ADAMTSL1: variants seen among roughly 807,000 people sequenced by gnomAD.
The protein encoded by ADAMTSL1 is ADAMTS like 1, also known as ADAMTS-like protein 1.
ADAMTSL1 carries 126 observed loss-of-function variants against 201.8 expected under a neutral mutation model. The observed-to-expected ratio is 0.62, with a 90% confidence interval of 0.54 to 0.72. The LOEUF (loss-of-function observed/expected upper bound fraction) is 0.72. Ranked by LOEUF, ADAMTSL1 falls within the 30% of genes least tolerant of loss-of-function variation. ADAMTSL1 has a pLI of 0.00. For missense variants in ADAMTSL1, 2,679 were observed against 2,277.8 expected (o/e 1.18, Z -3.59); for synonymous variants, 1,121 against 903.4 (o/e 1.24, Z -4.32).
At chr9:18,813,526 T>C (rs1823643923) in intron 20 of ADAMTSL1, among the ~76,000 whole-genome samples, 1 of 152,216 alleles carries the variant, frequency 6.6e-6, no homozygotes, top group Admixed American at 6.5e-5. Flanking sequence ...CTTTTCAGTG[T>C]AGACATATTT....
chr9:18,374,334 A>T (rs1326710479), intron 2 of ADAMTSL1, among the ~76,000 whole-genome samples: 3 of 151,040 alleles, frequency 2.0e-5, no homozygotes, highest in Admixed American at 6.6e-5. Context: ...AATTTTTTTT[A>T]ATTTTTTTTT....
intron 2 of ADAMTSL1, among the ~76,000 whole-genome samples, chr9:18,186,422 G>T (rs1828736422): frequency 1.3e-5 from 2 of 152,084 alleles, no homozygotes; most frequent in African/African-American, 4.8e-5. Flanking sequence ...GTAAATGCTG[G>T]CAATGTCCTT....
At chr9:18,843,734 C>A (rs1415701914) in intron 23 of ADAMTSL1, among the ~76,000 whole-genome samples, 1 of 150,854 alleles carries the variant, frequency 6.6e-6, no homozygotes, top group Non-Finnish European at 1.5e-5. Flanking sequence ...TTGTTCATTT[C>A]TTTTTATTCT....
At chr9:18,557,163 T>C (rs532133873) in intron 3 of ADAMTSL1, among the ~76,000 whole-genome samples, 2 of 152,136 alleles carry the variant, frequency 1.3e-5, no homozygotes, top group African/African-American at 4.8e-5. Flanking sequence ...GTCTGAGAAC[T>C]CCTTGCTTTC....
chr9:18,510,872 C>T (rs1487596745), intron 2 of ADAMTSL1, among the ~76,000 whole-genome samples: 2 of 152,058 alleles, frequency 1.3e-5, no homozygotes, highest in Non-Finnish European at 2.9e-5. Context: ...TCCAGTTCTT[C>T]ACCCCCCTAC....
chr9:18,535,008 G>C (rs554081046), intron 3 of ADAMTSL1, among the ~76,000 whole-genome samples: 1 of 152,190 alleles, frequency 6.6e-6, no homozygotes, highest in Non-Finnish European at 1.5e-5. Context: ...TTTCCCCATC[G>C]TCTTGGTGAT....
chr9:18,887,876 A>G lies in ADAMTSL1; in HGVS notation c.4295A>G (p.His1432Arg). The part of the protein sequence containing the change: ...GHPVPNITWF[H>R]GGQPIVTATG... ...CCTGTCCCTAATATCACCTGGTTTC[A>G]TGGTGGTCAGCCAATTGTCACTGCC... Residue 1432 changes from histidine to arginine, a missense_variant, in exon 24 of 29, where the codon CAT (histidine) becomes CGT (arginine). His to Arg is a conservative substitution (Grantham distance 29, BLOSUM62 0). Coordinates refer to ENST00000380548, the MANE Select transcript of ADAMTSL1 (RefSeq NM_001040272.6). 1 of 1,613,886 alleles carries G rather than the reference A, an allele frequency of 6.2e-7. No individual in the cohort carries two copies. Among genetic ancestry groups the G allele is most frequent in the Non-Finnish European group, 8.5e-7 (1 of 1,179,862 alleles).
chr9:18,690,514 T>C (rs1296967266), intron 13 of ADAMTSL1, among the ~76,000 whole-genome samples: 2 of 152,204 alleles, frequency 1.3e-5, no homozygotes, highest in Non-Finnish European at 2.9e-5. Context: ...AAAGTAACAA[T>C]GAATATCTTG....
intron 2 of ADAMTSL1, among the ~76,000 whole-genome samples, chr9:18,359,818 T>TGCCCCCCCCCCCCC (rs1836426063): frequency 2.3e-5 from 1 of 42,628 alleles, no homozygotes; most frequent in Non-Finnish European, 4.4e-5. Context: ...ATGCCCCACC[T>TGCCCCCCCCCCCCC]CCCCACCCGC....
In ADAMTSL1 at chr9:18,753,630, C is replaced by T. The variant is rs1292905397; in HGVS notation, c.2217+122C>T. The stretch of plus-strand genomic sequence containing the variant: ...AGGGATGTTCAAGATCTGCTCATTT[C>T]TCCCTTCTTAGTACTCCCCTAACCT... On this transcript the variant is annotated intron_variant, in intron 16 of 28. Coordinates refer to ENST00000380548, the MANE Select transcript of ADAMTSL1 (RefSeq NM_001040272.6). 3.6e-6 allele frequency: 4 copies of T among 1,113,028 alleles called. No homozygotes were observed. In the East Asian group the frequency reaches 7.7e-5, roughly 21 times the overall value. 68.9% of individuals were successfully genotyped at this position (1,113,028 alleles called of 1,614,324 possible). A position where few individuals can be genotyped will look rare whatever the true frequency, so the allele number is the denominator to read the frequency against.
intron 1 of ADAMTSL1, among the ~76,000 whole-genome samples, chr9:18,027,774 AT>A (rs1820765263): frequency 6.6e-6 from 1 of 151,982 alleles, no homozygotes; most frequent in South Asian, 2.1e-4. Context: ...TTCATTATTA[AT>A]TTGTTTTCTG....
At position 18,075,526 on chromosome 9, in the gene ADAMTSL1, A is replaced by T. The variant is rs149479022; in HGVS notation, c.88-88336A>T. 8.7e-4 allele frequency among the ~76,000 whole-genome samples: 132 copies of T among 152,376 alleles called. 1 individual carries two copies. Among genetic ancestry groups the T allele is most frequent in the Non-Finnish European group, 1.0e-3 (68 of 68,038 alleles). ...AGTTTGAAGTCAGTTTCAATATAAA[A>T]GTTTTATAAAAGTCAATTTCATTAC... On this transcript the variant is annotated intron_variant, in intron 1 of 29. Coordinates refer to the ADAMTSL1 transcript ENST00000680146.
intron 2 of ADAMTSL1, among the ~76,000 whole-genome samples, chr9:18,183,166 C>A (rs1468231587): frequency 1.3e-5 from 2 of 152,208 alleles, no homozygotes; most frequent in Non-Finnish European, 2.9e-5. Context: ...GCTGGAACAA[C>A]TGGATGTCCA....
intron 7 of ADAMTSL1, among the ~76,000 whole-genome samples, chr9:18,653,043 C>T (rs150900073): frequency 1.3e-5 from 2 of 152,364 alleles, no homozygotes; most frequent in African/African-American, 4.8e-5. Flanking sequence ...GAGGTAGTGA[C>T]TCTGCCAATA....
intron 2 of ADAMTSL1, among the ~76,000 whole-genome samples, chr9:18,408,940 T>G (rs1414429673): frequency 6.6e-6 from 1 of 152,162 alleles, no homozygotes; most frequent in Non-Finnish European, 1.5e-5. Flanking sequence ...GAGAGAGAGA[T>G]CAAACAATTT....
chr9:18,293,360 G>C (rs1833346894), intron 2 of ADAMTSL1, among the ~76,000 whole-genome samples: 2 of 152,252 alleles, frequency 1.3e-5, no homozygotes, highest in Middle Eastern at 3.4e-3. Context: ...GCTACATTTG[G>C]TCCATGTAGT....
chr9:18,010,822 A>G (rs893274410), intron 1 of ADAMTSL1, among the ~76,000 whole-genome samples: 1 of 152,040 alleles, frequency 6.6e-6, no homozygotes, highest in Admixed American at 6.6e-5. Flanking sequence ...CTAATTTTAT[A>G]TATCAAAAAT....
chr9:18,385,748 A>G (rs1837765838), intron 2 of ADAMTSL1, among the ~76,000 whole-genome samples: 1 of 152,188 alleles, frequency 6.6e-6, no homozygotes, highest in Admixed American at 6.5e-5. Context: ...TCCTTGATAC[A>G]TGATGAATTG....
chr9:18,371,391 C>T (rs1387837036), intron 2 of ADAMTSL1, among the ~76,000 whole-genome samples: 5 of 152,154 alleles, frequency 3.3e-5, no homozygotes. Context: ...ACTTATATCA[C>T]ATTGCAAGCT....
Sources: gnomAD v4.1 joint callset for allele counts (sites outside exome capture counted in the v4.1 genomes callset) on GRCh38, gnomAD v4.1.1 for gene constraint, MANE v1.5 for transcripts, NCBI Gene and HGNC (gene_info 2026-07-23, HGNC 2026-07-21) for gene names.